SGCG: variants seen among roughly 807,000 people sequenced by gnomAD.
SGCG encodes gamma-sarcoglycan.
SGCG carries 26 observed loss-of-function variants against 29.3 expected under a neutral mutation model. The observed-to-expected ratio is 0.89, with a 90% CI of 0.65 to 1.23. The LOEUF is 1.23. Among genes scored for constraint, SGCG ranks in the 50% most tolerant of loss-of-function variants. The pLI, the probability that SGCG is intolerant of heterozygous loss-of-function variation, is 0.00. For synonymous variants in SGCG, 145 were observed against 129.7 expected, an observed-to-expected ratio of 1.12 and a Z score of -0.80; for missense variants, 353 against 356.0, an observed-to-expected ratio of 0.99 and a Z score of 0.07.
intron 4 of SGCG, among the ~76,000 whole-genome samples, chr13:23,254,994 G>T (rs1001459942): frequency 1.2e-4 from 19 of 152,346 alleles, no homozygotes; most frequent in African/African-American, 4.6e-4. Context: ...GAAACATGCT[G>T]CAGGGACACA....
At chr13:23,196,117 A>G (rs1455895439) in intron 1 of SGCG, among the ~76,000 whole-genome samples, 2 of 151,952 alleles carry the variant, frequency 1.3e-5, no homozygotes, top group African/African-American at 4.8e-5. Context: ...CTAGGTTGTT[A>G]TATGTTTTTC....
At chr13:23,299,409 TA>T (rs1566037286) in intron 6 of SGCG, among the ~76,000 whole-genome samples, 17,589 of 34,804 alleles carry the variant, frequency 0.51, 4,609 homozygotes, top group East Asian at 0.8. Context: ...TTAGTTGGCA[TA>T]TATATATATA....
chr13:23,267,603 G>A (rs909663110), intron 4 of SGCG: 19 of 152,320 alleles, frequency 1.2e-4, no homozygotes, highest in African/African-American at 4.6e-4. Context: ...TACACTCAGA[G>A]TGTGGCTGAT....
chr13:23,224,829 G>A (rs1328632176), intron 2 of SGCG, among the ~76,000 whole-genome samples: 1 of 152,090 alleles, frequency 6.6e-6, no homozygotes, highest in African/African-American at 2.4e-5. Context: ...AATTCCCAAT[G>A]CCCAGATCAT....
At chr13:23,213,270 C>T (rs488632) in intron 2 of SGCG, among the ~76,000 whole-genome samples, 63,889 of 151,914 alleles carry the variant, frequency 0.42, 13,656 homozygotes, top group Middle Eastern at 0.53. Context: ...AGGCCAAGAA[C>T]TCAGACCAGC....
At chr13:23,198,205 CA>C (rs5802221) in intron 1 of SGCG, among the ~76,000 whole-genome samples, 34,009 of 151,564 alleles carry the variant, frequency 0.22, 4,122 homozygotes, top group East Asian at 0.35. Flanking sequence ...GATATTAACT[CA>C]TTTTGGGCAT....
Position 23,324,558 on chromosome 13 carries a change from C to G in SGCG, c.*17C>G. ...TGCCTCTGAGCTGCCTGCGTCCTCT[C>G]GGTGAGCTGTGCAGTGCCGGCCCCA... On this transcript the variant is annotated 3_prime_UTR_variant, in exon 8 of 8. Transcript: ENST00000218867. 1 of 1,605,466 alleles carries G rather than the reference C, an allele frequency of 6.2e-7. No individual in the cohort carries two copies. The highest frequency in any genetic ancestry group is 8.5e-7 in the Non-Finnish European group (1 of 1,178,630).
intron 5 of SGCG, among the ~76,000 whole-genome samples, chr13:23,292,852 T>C (rs972668341): frequency 6.6e-6 from 1 of 152,226 alleles, no homozygotes; most frequent in African/African-American, 2.4e-5. Context: ...AATATACTTA[T>C]ATAAAATTAA....
chr13:23,270,125 C>T (rs895119106), intron 4 of SGCG, among the ~76,000 whole-genome samples: 4 of 152,156 alleles, frequency 2.6e-5, no homozygotes, highest in African/African-American at 7.2e-5. Flanking sequence ...CCACCCGCCT[C>T]GGCCTCCCAA....
intron 6 of SGCG, among the ~76,000 whole-genome samples, chr13:23,311,583 C>T (rs963570813): frequency 9.8e-5 from 15 of 152,298 alleles, no homozygotes; most frequent in African/African-American, 7.2e-5. Flanking sequence ...GCTTGGTGCT[C>T]GGCACGTTGG....
chr13:23,234,392 A>C (rs1879227947), intron 2 of SGCG, among the ~76,000 whole-genome samples: 1 of 152,082 alleles, frequency 6.6e-6, no homozygotes, highest in Non-Finnish European at 1.5e-5. Flanking sequence ...TGACTCTTGA[A>C]ATTTTATATA....
Position 23,289,113 on chromosome 13 carries a change from G to A in SGCG, c.506-6302G>A, listed in dbSNP as rs9552909. ...AAGGATGTTAAGTCGAAAAAGACGT[G>A]AAGACAGATATCTGGAAGGTGCTTT... is the stretch of plus-strand genomic sequence containing the variant. On this transcript the variant is annotated intron_variant, in intron 5 of 7. Coordinates refer to ENST00000218867, the MANE Select transcript of SGCG (RefSeq NM_000231.3). 0.016 allele frequency among the ~76,000 whole-genome samples: 2,451 copies of A among 152,286 alleles called. 217 individuals are homozygous for A. The East Asian group carries it at 0.25, about 15-fold the overall frequency.
intron 5 of SGCG, among the ~76,000 whole-genome samples, chr13:23,284,394 A>G (rs1014209776): frequency 5.3e-5 from 8 of 152,044 alleles, no homozygotes; most frequent in African/African-American, 1.2e-4. Flanking sequence ...TGATTGATCA[A>G]TTCGGCTATT....
rs150156799 is a variant in SGCG at position 23,321,055 on chromosome 13, G to A, written c.702+295G>A. Among the ~76,000 whole-genome samples the A allele has an allele frequency of 2.8e-4, 42 of 152,022 alleles. No homozygotes were observed. The East Asian group carries it at 3.9e-3, about 14-fold the overall frequency. On this transcript the variant is annotated intron_variant, in intron 7 of 7. Coordinates refer to ENST00000218867, the MANE Select transcript of SGCG (RefSeq NM_000231.3). ...GTCGGAAAAAAAAAACACTACAGAC[G>A]TTCACAGTTTACAGAGAATGTCCAT...
intron 2 of SGCG, among the ~76,000 whole-genome samples, chr13:23,221,449 A>AT (rs1225923408): frequency 6.6e-5 from 10 of 152,190 alleles, no homozygotes; most frequent in African/African-American, 2.4e-4. Flanking sequence ...AATTTTAAAA[A>AT]ATATATACTG....
intron 7 of SGCG, 21 bp downstream of exon 7, chr13:23,320,781 G>T: frequency 6.2e-7 from 1 of 1,609,344 alleles, no homozygotes; most frequent in Non-Finnish European, 8.5e-7. Context: ...TCACAGATCA[G>T]CCTCCTACTG....
At chr13:23,166,689 G>A in the SGCG span, among the ~76,000 whole-genome samples, 1 of 152,160 alleles carries the variant, frequency 6.6e-6, no homozygotes, top group Non-Finnish European at 1.5e-5. Context: ...GGAAATGGGA[G>A]GTCTGCTCTG....
chr13:23,185,694 C>A (rs996928565), intron 1 of SGCG, among the ~76,000 whole-genome samples: 7 of 152,214 alleles, frequency 4.6e-5, no homozygotes, highest in South Asian at 2.1e-4. Context: ...GAGCTGGAGG[C>A]CTGCAGGGCT....
chr13:23,234,193 A>G (rs1480588095), intron 2 of SGCG, among the ~76,000 whole-genome samples: 4 of 152,134 alleles, frequency 2.6e-5, no homozygotes, highest in African/African-American at 9.7e-5. Flanking sequence ...TATTTATGGT[A>G]TTTTGGGGCA....
Sources: gnomAD v4.1 joint callset for allele counts (sites outside exome capture counted in the v4.1 genomes callset) on GRCh38, gnomAD v4.1.1 for gene constraint, MANE v1.5 for transcripts, NCBI Gene and HGNC (gene_info 2026-07-23, HGNC 2026-07-21) for gene names.